The following KLHL14 variants were observed in gnomAD, a reference collection of about 807,000 sequenced individuals.
The protein encoded by KLHL14 is kelch-like protein 14.
A neutral mutation model predicts 64.3 loss-of-function variants in KLHL14; 22 were observed. The observed-to-expected ratio is 0.34, with a 90% CI of 0.24 to 0.49. The LOEUF (loss-of-function observed/expected upper bound fraction) is 0.49, where lower values mean the gene tolerates loss of function less well. Among genes scored for constraint, KLHL14 ranks in the 20% least tolerant of loss-of-function variants. The pLI, the probability that KLHL14 is intolerant of heterozygous loss-of-function variation, is 0.99. For missense variants in KLHL14, 661 were observed against 789.0 expected (o/e 0.84, Z 1.94); for synonymous variants, 322 against 333.4 (o/e 0.97, Z 0.37).
rs1269441761 is a variant in KLHL14 at position 32,674,611 on chromosome 18, A to G, written c.*46T>C. On this transcript the variant is annotated 3_prime_UTR_variant, in exon 9 of 9. Coordinates refer to ENST00000359358, the MANE Select transcript of KLHL14 (RefSeq NM_020805.3). ...TATTATAATAGTGATGTCACCTGCC[A>G]TTGCTTCCTAGAATGTGATACTGTT... 3.9e-6 allele frequency: 3 copies of G among 769,452 alleles called. No homozygotes were observed. Among genetic ancestry groups the G allele is most frequent in the South Asian group, 2.7e-5 (2 of 73,622 alleles). The allele number at this position is 769,452 out of a possible 1,614,324, so 47.7% of individuals were successfully genotyped here. A position where few individuals can be genotyped will look rare whatever the true frequency, so the allele number is the denominator to read the frequency against.
Position 32,677,232 on chromosome 18 carries a change from G to A in KLHL14, c.1687C>T (p.Pro563Ser), listed in dbSNP as rs1375690231. ...QTPILEGRSG[P>S]GCAVLDDSIY... ...CTGTCATCAAGCACTGCACAGCCAG[G>A]GCCACTTCGACCCTCCAAAATGGGA... Residue 563 changes from proline to serine, a missense_variant, in exon 8 of 9, where the codon CCT (proline) becomes TCT (serine). Physicochemically the swap from Pro to Ser is moderately conservative, Grantham distance 74. Coordinates refer to ENST00000359358, the MANE Select transcript of KLHL14 (RefSeq NM_020805.3). 1 of 1,613,638 alleles carries A rather than the reference G, an allele frequency of 6.2e-7. No homozygotes were observed. The highest frequency in any genetic ancestry group is 8.5e-7 in the Non-Finnish European group (1 of 1,179,702).
intron 2 of KLHL14, among the ~76,000 whole-genome samples, chr18:32,760,635 G>A (rs1174335200): frequency 6.6e-6 from 1 of 152,116 alleles, no homozygotes; most frequent in East Asian, 1.9e-4. Flanking sequence ...GAGTCCCCGC[G>A]CAGGTGCAAT....
At chr18:32,678,151 A>G (rs1419359231) in intron 7 of KLHL14, among the ~76,000 whole-genome samples, 1 of 152,156 alleles carries the variant, frequency 6.6e-6, no homozygotes, top group Non-Finnish European at 1.5e-5. Flanking sequence ...ACTGAGAACA[A>G]CTTAAGTTCC....
intron 5 of KLHL14, among the ~76,000 whole-genome samples, chr18:32,681,731 T>C (rs1186514017): frequency 6.6e-6 from 1 of 152,252 alleles, no homozygotes; most frequent in Non-Finnish European, 1.5e-5. Context: ...TCAATGTCGA[T>C]TGCAAGACAA....
At chr18:32,685,833 C>T (rs763910072) in intron 5 of KLHL14, among the ~76,000 whole-genome samples, 14 of 152,158 alleles carry the variant, frequency 9.2e-5, no homozygotes, top group Non-Finnish European at 1.9e-4. Flanking sequence ...GCAATAAGTA[C>T]ATTTTTGAAT....
chr18:32,711,849 C>T (rs2050020970), intron 3 of KLHL14, among the ~76,000 whole-genome samples: 1 of 152,172 alleles, frequency 6.6e-6, no homozygotes, highest in Admixed American at 6.5e-5. Flanking sequence ...AGTTGTATAG[C>T]TGAACCAAAT....
intron 2 of KLHL14, among the ~76,000 whole-genome samples, chr18:32,759,399 T>C (rs938398111): frequency 9.9e-5 from 15 of 152,182 alleles, no homozygotes; most frequent in African/African-American, 3.6e-4. Flanking sequence ...AAGGCAAATA[T>C]ATATATAAAT....
intron 3 of KLHL14, among the ~76,000 whole-genome samples, chr18:32,708,129 CTG>C (rs1183863870): frequency 1.3e-5 from 2 of 152,074 alleles, no homozygotes; most frequent in African/African-American, 2.4e-5. Context: ...ATTCAATAAA[CTG>C]ATTATGGATG....
intron 3 of KLHL14, among the ~76,000 whole-genome samples, chr18:32,724,079 A>G (rs1332222788): frequency 2.0e-5 from 3 of 152,240 alleles, no homozygotes; most frequent in Non-Finnish European, 4.4e-5. Context: ...TGTCAGTTAC[A>G]GGTCAAAGAA....
At chr18:32,735,531 A>T (rs1190685766) in intron 3 of KLHL14, among the ~76,000 whole-genome samples, 2 of 152,164 alleles carry the variant, frequency 1.3e-5, no homozygotes, top group South Asian at 2.1e-4. Context: ...TTTACTGTTA[A>T]CTAACCTGGA....
intron 3 of KLHL14, among the ~76,000 whole-genome samples, chr18:32,717,758 C>T (rs990730300): frequency 2.6e-5 from 4 of 152,164 alleles, no homozygotes; most frequent in South Asian, 2.1e-4. Flanking sequence ...TTTAATTCTT[C>T]CTTCCTTCAT....
chr18:32,685,962 GTAAGAAA>G (rs1171565303), intron 5 of KLHL14, among the ~76,000 whole-genome samples: 2 of 151,676 alleles, frequency 1.3e-5, no homozygotes, highest in African/African-American at 4.8e-5. Flanking sequence ...GAGAAGTCAT[GTAAGAAA>G]TAGAAAAGAG....
intron 3 of KLHL14, among the ~76,000 whole-genome samples, chr18:32,740,425 A>G (rs1288445801): frequency 6.6e-6 from 1 of 152,226 alleles, no homozygotes; most frequent in Non-Finnish European, 1.5e-5. Context: ...GGGAAAACAA[A>G]TGGATTTATG....
Position 32,770,478 on chromosome 18 carries a change from C to T in KLHL14, c.114G>A (p.Thr38=). 2 of 1,612,534 alleles carry T rather than the reference C, an allele frequency of 1.2e-6. No homozygotes were observed. Among genetic ancestry groups the T allele is most frequent in the Non-Finnish European group, 1.7e-6 (2 of 1,179,914 alleles). Residue 38 remains threonine (T), a synonymous_variant, in exon 2 of 9, where the codon ACG becomes ACA. Transcript: ENST00000359358. The surrounding 1 kb of genome is among the most constrained non-coding windows in gnomAD (Gnocchi z 6.7). ...GGCAATGGAACTGCTGGCCCTGGGC[C>T]GTCAGGGTCACGTCGCAAAACAGCT... ...RKQLFCDVTL[T]AQGQQFHCHK... is the part of the protein sequence containing the mutation.
At chr18:32,730,656 G>A (rs1428172199) in intron 3 of KLHL14, among the ~76,000 whole-genome samples, 5 of 152,214 alleles carry the variant, frequency 3.3e-5, no homozygotes, top group Admixed American at 3.3e-4. Flanking sequence ...GCTTTGTCTA[G>A]TGTGAAGTCA....
Position 32,674,159 on chromosome 18 carries a change from A to G in KLHL14, c.*498T>C, listed in dbSNP as rs75245761. The G allele has an allele frequency of 0.019, 2,863 of 152,932 alleles. 36 individuals are homozygous for G. Among genetic ancestry groups the G allele is most frequent in the South Asian group, 0.036 (172 of 4,834 alleles). 9.5% of individuals were successfully genotyped at this position (152,932 alleles called of 1,614,324 possible). A position where few individuals can be genotyped will look rare whatever the true frequency, so the allele number is the denominator to read the frequency against. On this transcript the variant is annotated 3_prime_UTR_variant, in exon 9 of 9. Coordinates refer to ENST00000359358, the MANE Select transcript of KLHL14 (RefSeq NM_020805.3). ...ATGATTTTCAATAACAGTGTTGCCA[A>G]TGGAGTCTGTGAAGTAGCCAAAGGT...
Position 32,769,694 on chromosome 18 carries a change from A to G in KLHL14, c.898T>C (p.Tyr300His). 6.4e-7 allele frequency: 1 copy of G among 1,564,400 alleles called. No individual in the cohort carries two copies. Among genetic ancestry groups the G allele is most frequent in the African/African-American group, 1.4e-5 (1 of 73,564 alleles). ...CQKLLLDAMN[Y>H]HLMPFRQHCR... ...TGCTGCCTGAAGGGCATCAGGTGGT[A>G]GTTCATGGCGTCCAGCAGCAGCTTC... The change falls in exon 2 of 9, where the codon TAC becomes CAC. Residue 300 changes from tyrosine (Y) to histidine (H), a missense_variant. Transcript: ENST00000359358.
At chr18:32,676,741 C>T (rs535997452) in intron 8 of KLHL14, among the ~76,000 whole-genome samples, 9 of 152,076 alleles carry the variant, frequency 5.9e-5, no homozygotes, top group South Asian at 2.1e-4. Context: ...GAAAATTTCA[C>T]GATAAAGAGG....
intron 3 of KLHL14, among the ~76,000 whole-genome samples, chr18:32,696,118 G>A (rs896163401): frequency 3.9e-5 from 6 of 152,074 alleles, no homozygotes; most frequent in South Asian, 2.1e-4. Context: ...AAATGTATAC[G>A]CTTAATATCC....
Sources: allele counts gnomAD v4.1 joint callset (sites outside exome capture counted in the v4.1 genomes callset), GRCh38; gene constraint gnomAD v4.1.1; non-coding constraint Gnocchi (gnomAD v3.1); transcripts MANE v1.5; gene names NCBI Gene and HGNC (gene_info 2026-07-23, HGNC 2026-07-21).